Variants in PIAS2 observed in about 807,000 individuals in gnomAD.
PIAS2 encodes E3 SUMO-protein ligase PIAS2.
PIAS2 carries 19 observed loss-of-function variants against 69.7 expected under a neutral mutation model. The ratio of observed to expected loss-of-function variants is 0.27; its 90% CI spans 0.19 to 0.40. The LOEUF (loss-of-function observed/expected upper bound fraction) is 0.40. Ranked by LOEUF, PIAS2 falls within the 10% of genes least tolerant of loss-of-function variation. The pLI, the probability that PIAS2 is intolerant of heterozygous loss-of-function variation, is 1.00. For missense variants in PIAS2, 624 were observed against 757.0 expected (o/e 0.82, Z 2.06); for synonymous variants, 261 against 263.2 (o/e 0.99, Z 0.08).
At chr18:46,828,657 T>A (rs1251486368) in intron 10 of PIAS2, among the ~76,000 whole-genome samples, 1 of 152,192 alleles carries the variant, frequency 6.6e-6, no homozygotes, top group Non-Finnish European at 1.5e-5. Context: ...AAAACTTTCA[T>A]CTTGATAAGT....
chr18:46,896,271 A>C (rs1460492697), intron 1 of PIAS2, among the ~76,000 whole-genome samples: 3 of 151,408 alleles, frequency 2.0e-5, no homozygotes, highest in African/African-American at 4.8e-5. Flanking sequence ...AAAAAAAAAA[A>C]CTAAACAAAT....
At chr18:46,849,211 A>G (rs1337786751) in intron 5 of PIAS2, among the ~76,000 whole-genome samples, 2 of 152,198 alleles carry the variant, frequency 1.3e-5, no homozygotes, top group Non-Finnish European at 2.9e-5. Context: ...CAGCAAACTC[A>G]GAATCATTTT....
At chr18:46,910,096 C>T (rs573449590) in intron 1 of PIAS2, among the ~76,000 whole-genome samples, 29 of 152,052 alleles carry the variant, frequency 1.9e-4, no homozygotes, top group Admixed American at 9.2e-4. Flanking sequence ...GAGGAGGTTG[C>T]GGTGAGTCAA....
chr18:46,857,750 C>T (rs1273177156), intron 3 of PIAS2, among the ~76,000 whole-genome samples: 1 of 152,150 alleles, frequency 6.6e-6, no homozygotes, highest in African/African-American at 2.4e-5. Context: ...TGCTAAATAT[C>T]TTCACAAACA....
chr18:46,889,075 G>A (rs1442027067), intron 2 of PIAS2, among the ~76,000 whole-genome samples: 1 of 152,050 alleles, frequency 6.6e-6, no homozygotes, highest in African/African-American at 2.4e-5. Flanking sequence ...TACCATATAC[G>A]AAAATTAACT....
intron 11 of PIAS2, among the ~76,000 whole-genome samples, chr18:46,822,076 T>C (rs574996312): frequency 5.4e-4 from 82 of 152,344 alleles, no homozygotes; most frequent in Non-Finnish European, 9.8e-4. Context: ...GGATAACCTC[T>C]GGGCATCCTT....
chr18:46,906,211 A>G (rs1004067853), intron 1 of PIAS2: 3 of 152,186 alleles, frequency 2.0e-5, no homozygotes, highest in African/African-American at 7.2e-5. Context: ...AACCTACAGC[A>G]AGCATCATAC....
chr18:46,899,342 G>C (rs926878326), intron 1 of PIAS2, among the ~76,000 whole-genome samples: 3 of 152,182 alleles, frequency 2.0e-5, no homozygotes, highest in African/African-American at 7.2e-5. Context: ...ATGGATACCT[G>C]AGGAAAAGCA....
intron 2 of PIAS2, among the ~76,000 whole-genome samples, chr18:46,888,768 C>G (rs2053606069): frequency 6.6e-6 from 1 of 152,164 alleles, no homozygotes; most frequent in South Asian, 2.1e-4. Flanking sequence ...CACTGCTGAT[C>G]TGACAGGAGG....
chr18:46,854,361 T>C (rs931647037), intron 5 of PIAS2, among the ~76,000 whole-genome samples: 1 of 152,190 alleles, frequency 6.6e-6, no homozygotes, highest in Non-Finnish European at 1.5e-5. Context: ...GTGTCAGCTC[T>C]GGTGAAATGA....
At chr18:46,871,446 G>C (rs1201577511) in intron 2 of PIAS2, among the ~76,000 whole-genome samples, 1 of 152,160 alleles carries the variant, frequency 6.6e-6, no homozygotes, top group Non-Finnish European at 1.5e-5. Context: ...AGAACAGGGA[G>C]GGAGGGAGGA....
At chr18:46,858,697 C>CA (rs1272558384) in intron 3 of PIAS2, among the ~76,000 whole-genome samples, 1 of 151,906 alleles carries the variant, frequency 6.6e-6, no homozygotes, top group African/African-American at 2.4e-5. Flanking sequence ...GACCCTGGCT[C>CA]AAAAAATAAT....
intron 9 of PIAS2, among the ~76,000 whole-genome samples, chr18:46,830,129 G>A (rs2043386215): frequency 6.6e-6 from 1 of 152,140 alleles, no homozygotes; most frequent in South Asian, 2.1e-4. Flanking sequence ...CTAGAGAGAA[G>A]TAGATACCTG....
chr18:46,844,957 T>C (rs1211879745), intron 6 of PIAS2, 118 bp from the exon 7 acceptor site: 2 of 457,850 alleles, frequency 4.4e-6, no homozygotes, highest in Non-Finnish European at 7.6e-6. Flanking sequence ...ATAACTTCCA[T>C]GGAATGGTCA....
intron 2 of PIAS2, among the ~76,000 whole-genome samples, chr18:46,874,088 T>C (rs1346175078): frequency 6.6e-6 from 1 of 151,932 alleles, no homozygotes; most frequent in African/African-American, 2.4e-5. Context: ...GTTCTTGGAG[T>C]CTCCAGATGT....
intron 12 of PIAS2, chr18:46,816,280 G>GGGGA: frequency 1.0e-6 from 1 of 965,608 alleles, no homozygotes; most frequent in Non-Finnish European, 1.2e-6. Context: ...GAATATCAGT[G>GGGGA]GGTACATTTA....
chr18:46,826,015 C>A (rs1599405388), intron 11 of PIAS2, among the ~76,000 whole-genome samples: 1 of 152,128 alleles, frequency 6.6e-6, no homozygotes, highest in South Asian at 2.1e-4. Flanking sequence ...CTTAAGAGTT[C>A]TTCCGTGTAT....
At chr18:46,904,217 A>C (rs1182416616) in intron 1 of PIAS2, 1 of 152,178 alleles carries the variant, frequency 6.6e-6, no homozygotes, top group Non-Finnish European at 1.5e-5. Context: ...CTGAAAAAAA[A>C]CTAGAGAGAG....
upstream of PIAS2, among the ~76,000 whole-genome samples, chr18:46,919,011 G>A (rs1479094463): frequency 1.2e-3 from 161 of 137,784 alleles, no homozygotes; most frequent in African/African-American, 2.9e-3. Context: ...ATATATATGT[G>A]TGTGTGTGTG....
Sources: gnomAD v4.1 joint callset for allele counts (sites outside exome capture counted in the v4.1 genomes callset) on GRCh38, gnomAD v4.1.1 for gene constraint, MANE v1.5 for transcripts, NCBI Gene and HGNC (gene_info 2026-07-23, HGNC 2026-07-21) for gene names.